KIF6: variants seen among roughly 807,000 people sequenced by gnomAD.
KIF6 encodes the protein kinesin family member 6, also known as kinesin-like protein KIF6.
In KIF6, 106 loss-of-function variants were observed where a neutral mutation model predicts 112.7. That is an observed-to-expected ratio of 0.94 (90% CI 0.80 to 1.11). The LOEUF (loss-of-function observed/expected upper bound fraction) is 1.11, where lower values mean the gene tolerates loss of function less well. Ranked by LOEUF, KIF6 falls within the 50% of genes least tolerant of loss-of-function variation. The pLI, the probability that KIF6 is intolerant of heterozygous loss-of-function variation, is 0.00. For missense variants in KIF6, 929 were observed against 964.0 expected, an observed-to-expected ratio of 0.96 and a Z score of 0.48; for synonymous variants, 339 against 339.9, an observed-to-expected ratio of 1.00 and a Z score of 0.03.
chr6:39,675,566 C>T (rs527295209), intron 3 of KIF6, among the ~76,000 whole-genome samples: 2 of 150,958 alleles, frequency 1.3e-5, no homozygotes, highest in African/African-American at 2.4e-5. Flanking sequence ...CAATGTCCCA[C>T]CAAACATGAG....
Position 39,695,658 on chromosome 6 carries a change from A to C in KIF6, c.251+19034T>G, listed in dbSNP as rs555002919. Among the ~76,000 whole-genome samples, 5 of 152,196 alleles carry C rather than the reference A, an allele frequency of 3.3e-5. No individual in the cohort carries two copies. In the South Asian group the frequency reaches 1.0e-3, roughly 32 times the overall value. Reference sequence around the variant, plus strand: ...AAAAAGTCAGAAAATAACAGATGTCAAGGTTGCAGAGAAAAGGGAATCTTT... The same window carrying C: ...AAAAAGTCAGAAAATAACAGATGTCCAGGTTGCAGAGAAAAGGGAATCTTT... On this transcript the variant is annotated intron_variant, in intron 3 of 22. Transcript: ENST00000287152.
chr6:39,615,836 T>C (rs995157747), intron 5 of KIF6, among the ~76,000 whole-genome samples: 4 of 152,190 alleles, frequency 2.6e-5, no homozygotes, highest in African/African-American at 4.8e-5. Context: ...AAAAAGACTG[T>C]CTTTCCAGGG....
chr6:39,549,343 C>T (rs1484244717), intron 10 of KIF6, among the ~76,000 whole-genome samples: 1 of 152,126 alleles, frequency 6.6e-6, no homozygotes. Flanking sequence ...TGAGCATGCA[C>T]TAAATGCTGG....
At chr6:39,388,769 C>T (rs1767632181) in intron 15 of KIF6, among the ~76,000 whole-genome samples, 1 of 152,096 alleles carries the variant, frequency 6.6e-6, no homozygotes, top group Non-Finnish European at 1.5e-5. Flanking sequence ...GCCTGGGTTC[C>T]TGGACACATC....
At chr6:39,513,842 G>T (rs1776916915) in intron 13 of KIF6, among the ~76,000 whole-genome samples, 1 of 152,138 alleles carries the variant, frequency 6.6e-6, no homozygotes, top group Admixed American at 6.5e-5. Context: ...AGGTTTGAAT[G>T]TGTGGGTTTC....
At chr6:39,603,253 G>C (rs2150700391) in intron 6 of KIF6, among the ~76,000 whole-genome samples, 1 of 152,124 alleles carries the variant, frequency 6.6e-6, no homozygotes, top group South Asian at 2.1e-4. Flanking sequence ...ATATAGAAGG[G>C]GCTTGGAGCA....
chr6:39,347,573 T>C (rs1305824944), intron 19 of KIF6, among the ~76,000 whole-genome samples: 1 of 152,224 alleles, frequency 6.6e-6, no homozygotes, highest in Non-Finnish European at 1.5e-5. Flanking sequence ...TCTTCCTCGC[T>C]TCCTGCCTGG....
At chr6:39,508,981 C>A (rs1467549886) in intron 13 of KIF6, among the ~76,000 whole-genome samples, 2 of 152,136 alleles carry the variant, frequency 1.3e-5, no homozygotes, top group Non-Finnish European at 2.9e-5. Context: ...TAGGGGCCGA[C>A]AGACACCTCA....
In KIF6 at chr6:39,584,417, T is replaced by TACAAAAAAAAAAAAAAA. The variant is rs1481333003; in HGVS notation, c.1077+480_1077+481insTTTTTTTTTTTTTTTGT. On this transcript the variant is annotated intron_variant, in intron 9 of 22. Coordinates refer to ENST00000287152, the MANE Select transcript of KIF6 (RefSeq NM_145027.6). The stretch of plus-strand genomic sequence containing the variant: ...TCCAGCCTGAGCAAGACTCTGTCTC[T>TACAAAAAAAAAAAAAAA]AAAAAAAAAAAAAAAAAAAAAAAAA... Among the ~76,000 whole-genome samples, 55 of 46,060 alleles carry TACAAAAAAAAAAAAAAA rather than the reference T, an allele frequency of 1.2e-3. 12 individuals are homozygous for TACAAAAAAAAAAAAAAA. The highest frequency in any genetic ancestry group is 2.0e-3 in the Non-Finnish European group (32 of 16,118). The allele number at this position is 46,060 out of a possible 152,430, so 30.2% of individuals were successfully genotyped here.
At chr6:39,489,274 A>C (rs755497319) in intron 13 of KIF6, among the ~76,000 whole-genome samples, 1 of 152,048 alleles carries the variant, frequency 6.6e-6, no homozygotes, top group Non-Finnish European at 1.5e-5. Context: ...GGCTGTTAAC[A>C]ATTTTCCAAA....
At chr6:39,672,930 G>T (rs1302799739) in intron 3 of KIF6, among the ~76,000 whole-genome samples, 1 of 152,166 alleles carries the variant, frequency 6.6e-6, no homozygotes, top group Non-Finnish European at 1.5e-5. Flanking sequence ...GAAATTGGTT[G>T]AAAGAAACTA....
intron 3 of KIF6, among the ~76,000 whole-genome samples, chr6:39,667,332 C>T (rs1186977981): frequency 6.6e-6 from 1 of 152,092 alleles, no homozygotes; most frequent in Non-Finnish European, 1.5e-5. Context: ...GGCCAATGAG[C>T]CTGGAGTTCT....
At chr6:39,486,124 C>T (rs1352044400) in intron 13 of KIF6, among the ~76,000 whole-genome samples, 1 of 152,214 alleles carries the variant, frequency 6.6e-6, no homozygotes, top group Non-Finnish European at 1.5e-5. Flanking sequence ...TCTATGTCCC[C>T]TACCTCTGAA....
At chr6:39,484,973 T>TA (rs1422000725) in intron 13 of KIF6, among the ~76,000 whole-genome samples, 1 of 152,220 alleles carries the variant, frequency 6.6e-6, no homozygotes, top group Non-Finnish European at 1.5e-5. Context: ...GGGGGTTCTT[T>TA]ATCAGCCTCT....
intron 10 of KIF6, among the ~76,000 whole-genome samples, chr6:39,561,280 A>G (rs937802916): frequency 3.9e-5 from 6 of 152,188 alleles, no homozygotes; most frequent in African/African-American, 1.4e-4. Flanking sequence ...ATATTTATGA[A>G]AGTGAGTTTA....
At chr6:39,584,277 AGCTG>A (rs2150656605) in intron 9 of KIF6, among the ~76,000 whole-genome samples, 1 of 151,746 alleles carries the variant, frequency 6.6e-6, no homozygotes, top group Non-Finnish European at 1.5e-5. Context: ...AAAAGAAATT[AGCTG>A]GTTGTGGCGG....
At chr6:39,396,877 A>G (rs747221293) in intron 15 of KIF6, among the ~76,000 whole-genome samples, 2 of 152,206 alleles carry the variant, frequency 1.3e-5, no homozygotes, top group African/African-American at 2.4e-5. Flanking sequence ...AAGCTAACCT[A>G]TTGCAATTGT....
chr6:39,549,201 C>T lies in KIF6; in HGVS notation c.1182-3513G>A, dbSNP rs192065249. 1.3e-4 allele frequency among the ~76,000 whole-genome samples: 20 copies of T among 151,896 alleles called. No homozygotes were observed. The East Asian group carries it at 3.7e-3, about 28-fold the overall frequency. On this transcript the variant is annotated intron_variant, in intron 10 of 22. Transcript: ENST00000287152. ...TACCTTCTTGAGGCCACTGCACTCC[C>T]CTCTCTGCTCCTTATATTCCTTGTA...
At chr6:39,612,146 G>C (rs780406157) in intron 6 of KIF6, among the ~76,000 whole-genome samples, 3 of 152,144 alleles carry the variant, frequency 2.0e-5, no homozygotes, top group Non-Finnish European at 4.4e-5. Context: ...ATCTGAATTT[G>C]GTTTGCATTG....
Sources: allele counts gnomAD v4.1 joint callset (sites outside exome capture counted in the v4.1 genomes callset), GRCh38; gene constraint gnomAD v4.1.1; transcripts MANE v1.5; gene names NCBI Gene and HGNC (gene_info 2026-07-23, HGNC 2026-07-21).